The following PLEKHM3 variants were observed in gnomAD, a reference collection of about 807,000 sequenced individuals.
PLEKHM3 encodes pleckstrin homology domain containing M3, also known as pleckstrin homology domain-containing family M member 3.
In PLEKHM3, 45 loss-of-function variants were observed where a neutral mutation model predicts 81.8. That is an observed-to-expected ratio of 0.55 (90% CI 0.43 to 0.71). PLEKHM3 has a LOEUF of 0.71. PLEKHM3 is among the 30% of genes least tolerant of loss of function. The pLI is 0.00. For missense variants in PLEKHM3, 788 were observed against 924.3 expected, an observed-to-expected ratio of 0.85 and a Z score of 1.91; for synonymous variants, 352 against 356.4, an observed-to-expected ratio of 0.99 and a Z score of 0.14.
intron 4 of PLEKHM3, among the ~76,000 whole-genome samples, chr2:207,939,989 G>C (rs986253975): frequency 2.0e-5 from 3 of 152,178 alleles, no homozygotes; most frequent in Admixed American, 6.5e-5. Flanking sequence ...CATTCACTAA[G>C]ACAGGTAATG....
intron 4 of PLEKHM3, among the ~76,000 whole-genome samples, chr2:207,940,576 G>T (rs1449026801): frequency 1.3e-5 from 2 of 152,162 alleles, no homozygotes; most frequent in African/African-American, 4.8e-5. Context: ...CAAAACTGAG[G>T]CTCTAGGAAA....
intron 6 of PLEKHM3, among the ~76,000 whole-genome samples, chr2:207,865,803 G>GATATATATATATATATATAT (rs71036961): frequency 1.0e-4 from 3 of 29,410 alleles, no homozygotes; most frequent in Admixed American, 5.4e-4. Flanking sequence ...AAAAAAAAAA[G>GATATATATATATATATATAT]ATATATATAT....
intron 6 of PLEKHM3, among the ~76,000 whole-genome samples, chr2:207,867,428 G>C (rs1277560945): frequency 6.6e-6 from 1 of 152,142 alleles, no homozygotes; most frequent in Non-Finnish European, 1.5e-5. Flanking sequence ...TAATATTGTA[G>C]AAGGAAAACC....
intron 6 of PLEKHM3, among the ~76,000 whole-genome samples, chr2:207,882,898 G>A (rs902588528): frequency 3.3e-5 from 5 of 151,646 alleles, no homozygotes; most frequent in Admixed American, 6.6e-5. Flanking sequence ...ACAGGTGCCC[G>A]CCACCATGCC....
At position 207,825,311 on chromosome 2, in the gene PLEKHM3, C is replaced by T. The variant is rs1345971699; in HGVS notation, c.*3008G>A. On this transcript the variant is annotated 3_prime_UTR_variant, in exon 8 of 8. Coordinates refer to ENST00000427836, the MANE Select transcript of PLEKHM3 (RefSeq NM_001080475.3). The stretch of plus-strand genomic sequence containing the variant: ...TTAGGAGGGATTTCCTCAAGTGATA[C>T]ACTAGGGAATGAGCCTTTCAGCAAA... 6.6e-6 allele frequency: 1 copy of T among 152,174 alleles called. No individual in the cohort carries two copies. The highest frequency in any genetic ancestry group is 6.5e-5 in the Admixed American group (1 of 15,278). 9.4% of individuals were successfully genotyped at this position (152,174 alleles called of 1,614,324 possible). A position where few individuals can be genotyped will look rare whatever the true frequency, so the allele number is the denominator to read the frequency against.
chr2:207,978,788 C>T (rs1691416731), intron 2 of PLEKHM3, among the ~76,000 whole-genome samples: 2 of 152,224 alleles, frequency 1.3e-5, no homozygotes, highest in Non-Finnish European at 2.9e-5. Context: ...TACACACATG[C>T]ATGCATGCCT....
At chr2:207,978,669 CTG>C (rs1341079880) in intron 2 of PLEKHM3, among the ~76,000 whole-genome samples, 1 of 152,138 alleles carries the variant, frequency 6.6e-6, no homozygotes, top group Non-Finnish European at 1.5e-5. Flanking sequence ...CTGAGCCTGA[CTG>C]TGCTTATGCT....
At chr2:207,833,730 C>T (rs1162702941) in intron 7 of PLEKHM3, among the ~76,000 whole-genome samples, 6 of 152,152 alleles carry the variant, frequency 3.9e-5, no homozygotes, top group African/African-American at 1.2e-4. Flanking sequence ...AATGCCTCTG[C>T]GGGCAAAACC....
rs115574105 is a variant in PLEKHM3, at chr2:207,893,051, T to C, written c.1950+15463A>G. Among the ~76,000 whole-genome samples, 662 of 152,296 alleles carry C rather than the reference T, an allele frequency of 4.3e-3. 4 individuals are homozygous for C. The highest frequency in any genetic ancestry group is 0.015 in the African/African-American group (622 of 41,562). On this transcript the variant is annotated intron_variant, in intron 6 of 7. Transcript: ENST00000427836. ...ATGTCTCACTTTGAAAGGACTTGAA[T>C]ACCCTCATGAACTAACTCCTGGCTC...
Position 207,984,818 on chromosome 2 carries a change from G to A in PLEKHM3, c.611-7232C>T, listed in dbSNP as rs182100611. ...TGCCATGTATTTCTTGAAGAAGCTG[G>A]TTCATTTATCCTGTAGAATTTCCCA... On this transcript the variant is annotated intron_variant, in intron 2 of 7. Transcript: ENST00000427836. 4.7e-3 allele frequency among the ~76,000 whole-genome samples: 719 copies of A among 152,086 alleles called. 9 individuals are homozygous for A. Among genetic ancestry groups the A allele is most frequent in the African/African-American group, 0.016 (658 of 41,478 alleles).
At chr2:207,893,066 A>C (rs1260618637) in intron 6 of PLEKHM3, among the ~76,000 whole-genome samples, 3 of 152,130 alleles carry the variant, frequency 2.0e-5, no homozygotes, top group Non-Finnish European at 4.4e-5. Context: ...TCATGAACTA[A>C]CTCCTGGCTC....
intron 7 of PLEKHM3, among the ~76,000 whole-genome samples, chr2:207,858,985 C>T (rs958270077): frequency 1.3e-5 from 2 of 152,042 alleles, no homozygotes; most frequent in Non-Finnish European, 2.9e-5. Context: ...CCTAGACAAC[C>T]GCTAATCTAT....
intron 3 of PLEKHM3, among the ~76,000 whole-genome samples, chr2:207,960,522 T>C (rs1327012222): frequency 6.6e-6 from 1 of 152,200 alleles, no homozygotes; most frequent in Non-Finnish European, 1.5e-5. Flanking sequence ...CTGGAAGCAA[T>C]ATATGTGATA....
rs2092242363 is a variant in PLEKHM3 at position 207,825,316 on chromosome 2, G to A, written c.*3003C>T. On this transcript the variant is annotated 3_prime_UTR_variant, in exon 8 of 8. Transcript: ENST00000427836. ...AGGGATTTCCTCAAGTGATACACTA[G>A]GGAATGAGCCTTTCAGCAAAAAGCG... The A allele has an allele frequency of 1.3e-5, 2 of 152,170 alleles. No individual in the cohort carries two copies. The highest frequency in any genetic ancestry group is 4.8e-5 in the African/African-American group (2 of 41,434). The allele number at this position is 152,170 out of a possible 1,614,324, so 9.4% of individuals were successfully genotyped here.
At chr2:207,978,368 G>A (rs1403806602) in intron 2 of PLEKHM3, among the ~76,000 whole-genome samples, 2 of 146,448 alleles carry the variant, frequency 1.4e-5, no homozygotes, top group African/African-American at 2.5e-5. Context: ...GGTAAAAACC[G>A]CAATTACTTT....
intron 6 of PLEKHM3, among the ~76,000 whole-genome samples, chr2:207,880,478 T>C (rs997603965): frequency 2.8e-5 from 4 of 144,516 alleles, no homozygotes; most frequent in African/African-American, 1.0e-4. Flanking sequence ...AAATAAAAAA[T>C]AGAGGCCGGG....
At chr2:207,987,925 C>T (rs1382311124) in intron 2 of PLEKHM3, among the ~76,000 whole-genome samples, 4 of 152,158 alleles carry the variant, frequency 2.6e-5, no homozygotes, top group South Asian at 2.1e-4. Context: ...CTTACTTCTC[C>T]GATTTAATCA....
intron 2 of PLEKHM3, among the ~76,000 whole-genome samples, chr2:207,992,626 C>T (rs1409206227): frequency 6.6e-6 from 1 of 152,034 alleles, no homozygotes; most frequent in African/African-American, 2.4e-5. Context: ...CAGTTGGTAT[C>T]TTCAAAGGAC....
intron 6 of PLEKHM3, chr2:207,901,140 GCT>G: frequency 1.6e-6 from 1 of 642,390 alleles, no homozygotes; most frequent in Non-Finnish European, 2.8e-6. Context: ...GGGCAACAGG[GCT>G]CTCTATCCAC....
Sources: allele counts gnomAD v4.1 joint callset (sites outside exome capture counted in the v4.1 genomes callset), GRCh38; gene constraint gnomAD v4.1.1; transcripts MANE v1.5; gene names NCBI Gene and HGNC (gene_info 2026-07-23, HGNC 2026-07-21).